Variants in EEFSEC observed in about 807,000 individuals in gnomAD.
EEFSEC encodes the protein selenocysteine-specific elongation factor.
Under a neutral mutation model 42.1 loss-of-function variants are expected in EEFSEC, and 43 were observed. The observed-to-expected ratio is 1.02, with a 90% CI of 0.80 to 1.32. The LOEUF is 1.32. EEFSEC is among the 40% of genes most tolerant of loss of function. The pLI is 0.00. For missense variants in EEFSEC, 745 were observed against 803.6 expected (o/e 0.93, Z 0.88); for synonymous variants, 354 against 339.1 (o/e 1.04, Z -0.48).
chr3:128,279,972 G>C (rs2066508821), intron 4 of EEFSEC, among the ~76,000 whole-genome samples: 1 of 152,296 alleles, frequency 6.6e-6, no homozygotes. Flanking sequence ...CGTGCCCATC[G>C]AACACGATGG....
At chr3:128,259,879 G>T (rs1334589758) in intron 2 of EEFSEC, among the ~76,000 whole-genome samples, 2 of 151,682 alleles carry the variant, frequency 1.3e-5, no homozygotes, top group African/African-American at 4.9e-5. Flanking sequence ...ATATTCTGTT[G>T]TGTATATATA....
chr3:128,220,287 G>C (rs916392132), intron 1 of EEFSEC, among the ~76,000 whole-genome samples: 1 of 152,206 alleles, frequency 6.6e-6, no homozygotes, highest in African/African-American at 2.4e-5. Context: ...TGAACACTTT[G>C]CTTCTCTAGA....
intron 4 of EEFSEC, among the ~76,000 whole-genome samples, chr3:128,302,177 G>A (rs73197381): frequency 0.027 from 4,127 of 152,220 alleles, 89 homozygotes; most frequent in Middle Eastern, 0.082. Context: ...GGGGGTATGG[G>A]GCTGGGAAGA....
At position 128,301,343 on chromosome 3, in the gene EEFSEC, C is replaced by T. The variant is rs573057563; in HGVS notation, c.786+36562C>T. On this transcript the variant is annotated intron_variant, in intron 4 of 6. Transcript: ENST00000254730. ...CAGCTCCTACCCATATGTAAAAAGG[C>T]TTGGTGTACATCTCACTTCCCCTGT... Among the ~76,000 whole-genome samples, 7 of 152,290 alleles carry T rather than the reference C, an allele frequency of 4.6e-5. No homozygotes were observed. In the South Asian group the frequency reaches 1.5e-3, roughly 32 times the overall value.
intron 4 of EEFSEC, among the ~76,000 whole-genome samples, chr3:128,290,774 T>G (rs2107983989): frequency 6.6e-6 from 1 of 152,210 alleles, no homozygotes; most frequent in Admixed American, 6.5e-5. Context: ...TTGACAGAGT[T>G]GCACTCTGTT....
At chr3:128,384,461 G>A (rs1490605638) in intron 6 of EEFSEC, among the ~76,000 whole-genome samples, 1 of 152,226 alleles carries the variant, frequency 6.6e-6, no homozygotes, top group Admixed American at 6.5e-5. Flanking sequence ...GAGTGAGTGT[G>A]GGGGTGAAGT....
At chr3:128,252,685 G>A (rs910958569) in intron 2 of EEFSEC, among the ~76,000 whole-genome samples, 2 of 152,110 alleles carry the variant, frequency 1.3e-5, no homozygotes, top group South Asian at 2.1e-4. Flanking sequence ...TCTTTATATG[G>A]ATTATAAATT....
At chr3:128,313,740 T>A (rs1475123493) in intron 4 of EEFSEC, among the ~76,000 whole-genome samples, 1 of 152,258 alleles carries the variant, frequency 6.6e-6, no homozygotes, top group African/African-American at 2.4e-5. Flanking sequence ...AGGCCCCTCA[T>A]GTGGACATAT....
intron 6 of EEFSEC, among the ~76,000 whole-genome samples, chr3:128,367,464 G>A (rs568774014): frequency 4.1e-4 from 62 of 152,304 alleles, no homozygotes; most frequent in African/African-American, 1.4e-3. Context: ...GGAGGTGAGG[G>A]TGCCACAGTG....
intron 6 of EEFSEC, among the ~76,000 whole-genome samples, chr3:128,391,096 C>T (rs567957485): frequency 6.6e-6 from 1 of 152,234 alleles, no homozygotes; most frequent in Non-Finnish European, 1.5e-5. Flanking sequence ...ACTGGGCCTG[C>T]GTGATTCCCT....
At chr3:128,285,680 A>G (rs1159188687) in intron 4 of EEFSEC, among the ~76,000 whole-genome samples, 1 of 152,124 alleles carries the variant, frequency 6.6e-6, no homozygotes, top group Non-Finnish European at 1.5e-5. Flanking sequence ...TCCCTCGCAC[A>G]GCCATCATGG....
At chr3:128,263,008 C>G (rs2107930160) in intron 3 of EEFSEC, among the ~76,000 whole-genome samples, 1 of 152,282 alleles carries the variant, frequency 6.6e-6, no homozygotes. Context: ...TTTCTTGCCT[C>G]AGTTCCTTCA....
At chr3:128,173,427 C>T (rs2065318578) in intron 1 of EEFSEC, among the ~76,000 whole-genome samples, 1 of 152,158 alleles carries the variant, frequency 6.6e-6, no homozygotes, top group Non-Finnish European at 1.5e-5. Flanking sequence ...ACCGTCAGCT[C>T]ATAATGGAGC....
intron 6 of EEFSEC, among the ~76,000 whole-genome samples, chr3:128,394,505 G>A (rs1192916541): frequency 1.3e-4 from 19 of 151,954 alleles, no homozygotes. Flanking sequence ...TTAAAGAAAA[G>A]CAATATGAAG....
At chr3:128,332,571 C>A (rs1187860019) in intron 4 of EEFSEC, among the ~76,000 whole-genome samples, 1 of 152,204 alleles carries the variant, frequency 6.6e-6, no homozygotes, top group Non-Finnish European at 1.5e-5. Flanking sequence ...CCCACCCCAG[C>A]ATCCCAAGTA....
intron 6 of EEFSEC, among the ~76,000 whole-genome samples, chr3:128,366,549 A>G (rs1576675739): frequency 6.6e-6 from 1 of 152,250 alleles, no homozygotes; most frequent in African/African-American, 2.4e-5. Flanking sequence ...GAGGAGGAGC[A>G]GGAGCTGGGG....
At chr3:128,412,408 C>G (rs560672637), downstream of EEFSEC, among the ~76,000 whole-genome samples, 1 of 152,354 alleles carries the variant, frequency 6.6e-6, no homozygotes, top group African/African-American at 2.4e-5. Flanking sequence ...AGGCCAGCCC[C>G]GCTGACAGCC....
In EEFSEC at chr3:128,358,487, G is replaced by A. The variant is rs962907754; in HGVS notation, c.1600+114G>A. The A allele has an allele frequency of 3.5e-5, 51 of 1,447,066 alleles. No individual in the cohort carries two copies. The Admixed American group carries it at 7.4e-4, about 21-fold the overall frequency. 89.6% of individuals were successfully genotyped at this position (1,447,066 alleles called of 1,614,324 possible). On this transcript the variant is annotated intron_variant, in intron 6 of 6. Transcript: ENST00000254730. ...TTAGGTTCCTAATCCTGCCTTTGCC[G>A]AGACACGGGGTGACTTGGCCTGCCT...
chr3:128,350,083 A>T (rs1052979626), intron 5 of EEFSEC, among the ~76,000 whole-genome samples: 6 of 152,236 alleles, frequency 3.9e-5, no homozygotes, highest in African/African-American at 1.4e-4. Context: ...AGCTGGCAGC[A>T]TTGGCCCAAC....
Sources: allele counts gnomAD v4.1 joint callset (sites outside exome capture counted in the v4.1 genomes callset), GRCh38; gene constraint gnomAD v4.1.1; transcripts MANE v1.5; gene names NCBI Gene and HGNC (gene_info 2026-07-23, HGNC 2026-07-21).